The following CDK17 variants were observed in gnomAD, a reference collection of about 807,000 sequenced individuals.
CDK17 encodes cyclin-dependent kinase 17.
CDK17 carries 24 observed loss-of-function variants against 77.6 expected under a neutral mutation model. That is an observed-to-expected ratio of 0.31 (90% CI 0.22 to 0.44). CDK17 has a LOEUF of 0.44. Among genes scored for constraint, CDK17 ranks in the 20% least tolerant of loss-of-function variants. The pLI is 1.00. For missense variants in CDK17, 429 were observed against 622.5 expected (o/e 0.69, Z 3.31); for synonymous variants, 203 against 210.4 (o/e 0.96, Z 0.30).
chr12:96,335,477 C>T (rs930469983), intron 1 of CDK17, among the ~76,000 whole-genome samples: 1 of 152,194 alleles, frequency 6.6e-6, no homozygotes, highest in African/African-American at 2.4e-5. Flanking sequence ...TACTGAATGC[C>T]TGCCACACAG....
intron 1 of CDK17, among the ~76,000 whole-genome samples, chr12:96,386,185 G>A (rs1953971044): frequency 6.6e-6 from 1 of 152,126 alleles, no homozygotes; most frequent in Non-Finnish European, 1.5e-5. Context: ...TTAAAGAGAT[G>A]GCATTTTGCC....
rs191176759 is a variant in CDK17, at chr12:96,299,619, G to A, written c.601-636C>T. Among the ~76,000 whole-genome samples the A allele has an allele frequency of 5.3e-4, 81 of 152,234 alleles. No homozygotes were observed. The East Asian group carries it at 0.012, about 23-fold the overall frequency. ...TTGGCCAGGCTGGTCTCGAACTCCT[G>A]ACCTCGTGATTCACCCGCCTTGGCC... On this transcript the variant is annotated intron_variant, in intron 6 of 16. Transcript: ENST00000261211.
At chr12:96,336,125 A>G (rs915748775) in intron 1 of CDK17, among the ~76,000 whole-genome samples, 1 of 152,220 alleles carries the variant, frequency 6.6e-6, no homozygotes, top group African/African-American at 2.4e-5. Flanking sequence ...ACAAATAAAC[A>G]TAAGTAATAA....
At chr12:96,294,389 C>T (rs779246315) in intron 10 of CDK17, among the ~76,000 whole-genome samples, 7 of 151,430 alleles carry the variant, frequency 4.6e-5, no homozygotes, top group South Asian at 2.1e-4. Context: ...GTCAGGAGTT[C>T]GAGATCAGCC....
intron 2 of CDK17, among the ~76,000 whole-genome samples, chr12:96,329,187 G>A (rs886282762): frequency 4.6e-5 from 7 of 151,978 alleles, no homozygotes; most frequent in African/African-American, 1.7e-4. Context: ...TTTCAGTTTG[G>A]GATGATGAAA....
intron 1 of CDK17, among the ~76,000 whole-genome samples, chr12:96,347,925 T>C (rs1460363211): frequency 6.6e-6 from 1 of 151,960 alleles, no homozygotes; most frequent in African/African-American, 2.4e-5. Context: ...TATGTGGAAA[T>C]TAAGCAACAT....
chr12:96,364,893 A>G (rs1953557849), intron 1 of CDK17, among the ~76,000 whole-genome samples: 1 of 152,216 alleles, frequency 6.6e-6, no homozygotes, highest in Non-Finnish European at 1.5e-5. Context: ...AAGACCTCAC[A>G]AATATGAGAC....
intron 1 of CDK17, among the ~76,000 whole-genome samples, chr12:96,351,039 A>T (rs2137171614): frequency 6.6e-6 from 1 of 152,354 alleles, no homozygotes; most frequent in East Asian, 1.9e-4. Flanking sequence ...TTGAATGTAC[A>T]TCGCACCAAA....
intron 1 of CDK17, among the ~76,000 whole-genome samples, chr12:96,352,597 C>T (rs1365540796): frequency 6.6e-6 from 1 of 152,212 alleles, no homozygotes; most frequent in East Asian, 1.9e-4. Context: ...ACATCTGATA[C>T]CAGTGGTAAA....
At chr12:96,342,589 T>A (rs539390088) in intron 1 of CDK17, among the ~76,000 whole-genome samples, 1 of 152,016 alleles carries the variant, frequency 6.6e-6, no homozygotes, top group South Asian at 2.1e-4. Flanking sequence ...AACAAAACCA[T>A]GAAGTGATTG....
chr12:96,390,530 G>A (rs1267558209), intron 1 of CDK17, among the ~76,000 whole-genome samples: 3 of 146,042 alleles, frequency 2.1e-5, no homozygotes, highest in Non-Finnish European at 4.5e-5. Context: ...CCAACATGGT[G>A]AAACATGGTC....
intron 1 of CDK17, among the ~76,000 whole-genome samples, chr12:96,364,783 A>G (rs955050027): frequency 2.6e-5 from 4 of 152,216 alleles, no homozygotes; most frequent in African/African-American, 4.8e-5. Context: ...GAACTTCAAC[A>G]ATTTCCTTGA....
At chr12:96,318,224 G>A (rs1952760882) in intron 3 of CDK17, among the ~76,000 whole-genome samples, 1 of 151,728 alleles carries the variant, frequency 6.6e-6, no homozygotes, top group Non-Finnish European at 1.5e-5. Context: ...AATGGTAAAG[G>A]GATCAATTCA....
intron 1 of CDK17, among the ~76,000 whole-genome samples, chr12:96,394,455 A>T (rs930501675): frequency 9.8e-5 from 15 of 152,294 alleles, no homozygotes; most frequent in African/African-American, 3.6e-4. Flanking sequence ...TGTACACAAA[A>T]TGTAGAGTAT....
chr12:96,343,803 C>A (rs1415626283), intron 1 of CDK17, among the ~76,000 whole-genome samples: 17 of 152,078 alleles, frequency 1.1e-4, no homozygotes, highest in Admixed American at 9.8e-4. Context: ...TAGGTCTCAA[C>A]AAATAACCAC....
At chr12:96,361,780 T>G (rs1175943949) in intron 1 of CDK17, among the ~76,000 whole-genome samples, 5 of 152,174 alleles carry the variant, frequency 3.3e-5, no homozygotes, top group Non-Finnish European at 7.3e-5. Context: ...CCCACATCCA[T>G]GCATACCTAG....
intron 1 of CDK17, among the ~76,000 whole-genome samples, chr12:96,375,603 A>G (rs888705410): frequency 6.9e-6 from 1 of 144,030 alleles, no homozygotes; most frequent in Non-Finnish European, 1.5e-5. Flanking sequence ...CAACCTCCGC[A>G]TCCTGGGCTC....
intron 1 of CDK17, among the ~76,000 whole-genome samples, chr12:96,389,852 A>G (rs980962309): frequency 5.4e-5 from 8 of 147,750 alleles, no homozygotes; most frequent in African/African-American, 2.0e-4. Flanking sequence ...TTTTTTTGAG[A>G]GGAAGTCTCA....
intron 1 of CDK17, among the ~76,000 whole-genome samples, chr12:96,397,676 C>A (rs966475627): frequency 2.0e-5 from 3 of 151,996 alleles, no homozygotes; most frequent in Non-Finnish European, 2.9e-5. Flanking sequence ...CATTCGTAAA[C>A]CTTGCTACTT....
Sources: allele counts gnomAD v4.1 joint callset (sites outside exome capture counted in the v4.1 genomes callset), GRCh38; gene constraint gnomAD v4.1.1; transcripts MANE v1.5; gene names NCBI Gene and HGNC (gene_info 2026-07-23, HGNC 2026-07-21).